The following RALGPS2 variants were observed in gnomAD, a reference collection of about 807,000 sequenced individuals.
RALGPS2 encodes Ral GEF with PH domain and SH3 binding motif 2.
Under a neutral mutation model 86.8 loss-of-function variants are expected in RALGPS2, and 43 were observed. The ratio of observed to expected loss-of-function variants is 0.50; its 90% confidence interval spans 0.39 to 0.64. The LOEUF is 0.64. RALGPS2 is among the 30% of genes least tolerant of loss of function. The pLI is 0.00. For synonymous variants in RALGPS2, 243 were observed against 231.3 expected (o/e 1.05, Z -0.46); for missense variants, 536 against 694.6 (o/e 0.77, Z 2.57).
In RALGPS2 at chr1:178,916,376, G is replaced by T; in HGVS notation, c.*17G>T. ...TTTGAGTAGAAGCCTGAGAAAAAAA[G>T]AGAGGTGAACTGTTGCTTCTACGTG... On this transcript the variant is annotated 3_prime_UTR_variant, in exon 20 of 20. Coordinates refer to ENST00000367635, the MANE Select transcript of RALGPS2 (RefSeq NM_152663.5). The T allele has an allele frequency of 6.3e-7, 1 of 1,595,196 alleles. No homozygotes were observed. Among genetic ancestry groups the T allele is most frequent in the East Asian group, 2.2e-5 (1 of 44,772 alleles).
At chr1:178,787,953 C>T (rs1270821680) in intron 4 of RALGPS2, among the ~76,000 whole-genome samples, 3 of 152,208 alleles carry the variant, frequency 2.0e-5, no homozygotes, top group Non-Finnish European at 4.4e-5. Context: ...TAAAACACTT[C>T]ATTGGCTTCC....
chr1:178,838,013 G>A (rs1362370063), intron 8 of RALGPS2, among the ~76,000 whole-genome samples: 2 of 152,166 alleles, frequency 1.3e-5, no homozygotes, highest in Non-Finnish European at 2.9e-5. Context: ...GCTTGAGTAG[G>A]TAAACAAAGC....
intron 8 of RALGPS2, among the ~76,000 whole-genome samples, chr1:178,872,609 C>T (rs1658820277): frequency 6.6e-6 from 1 of 152,184 alleles, no homozygotes; most frequent in South Asian, 2.1e-4. Context: ...GATGTGCTGC[C>T]AGCTTCTGGC....
At chr1:178,833,379 A>G in intron 7 of RALGPS2, 45 bp from the exon 8 acceptor site, 1 of 1,446,258 alleles carries the variant, frequency 6.9e-7, no homozygotes, top group Non-Finnish European at 9.0e-7. Context: ...TGCTACAATA[A>G]AATGAGATTT....
chr1:178,816,507 C>G (rs780131905), intron 6 of RALGPS2, among the ~76,000 whole-genome samples: 1 of 151,500 alleles, frequency 6.6e-6, no homozygotes, highest in Admixed American at 6.6e-5. Flanking sequence ...AGTATTTTTT[C>G]CTAGTCTATG....
Position 178,915,338 on chromosome 1 carries a change from C to T in RALGPS2, c.1723-992C>T, listed in dbSNP as rs1047109467. Among the ~76,000 whole-genome samples the T allele has an allele frequency of 6.6e-5, 10 of 152,278 alleles. No homozygotes were observed. The South Asian group carries it at 2.1e-3, about 32-fold the overall frequency. On this transcript the variant is annotated intron_variant, in intron 19 of 19. Transcript: ENST00000367635. ...GCAACCTCTGCCTCCCGGGTTCAAG[C>T]CATTCTCCTGCCTCAGCCTCCTGAG...
intron 7 of RALGPS2, among the ~76,000 whole-genome samples, chr1:178,830,523 C>A (rs1046899246): frequency 6.6e-6 from 1 of 152,078 alleles, no homozygotes; most frequent in African/African-American, 2.4e-5. Context: ...AATTGGTCAC[C>A]AGTTTGGGGG....
At chr1:178,825,070 A>G (rs1295989594) in intron 7 of RALGPS2, among the ~76,000 whole-genome samples, 1 of 152,132 alleles carries the variant, frequency 6.6e-6, no homozygotes, top group Admixed American at 6.5e-5. Flanking sequence ...AAAACGTAAT[A>G]GGTTTGATAG....
intron 4 of RALGPS2, among the ~76,000 whole-genome samples, chr1:178,796,111 A>G (rs1654179402): frequency 6.6e-6 from 1 of 152,154 alleles, no homozygotes; most frequent in East Asian, 1.9e-4. Context: ...GATTAGGATT[A>G]AGGAAGGTAG....
At chr1:178,730,302 T>G (rs1439023531) in intron 1 of RALGPS2, among the ~76,000 whole-genome samples, 1 of 152,214 alleles carries the variant, frequency 6.6e-6, no homozygotes, top group Non-Finnish European at 1.5e-5. Context: ...TCTTCTGTGG[T>G]AGATGAGTCT....
chr1:178,895,669 T>G (rs987956380), intron 16 of RALGPS2, among the ~76,000 whole-genome samples: 9 of 151,758 alleles, frequency 5.9e-5, no homozygotes, highest in South Asian at 2.1e-4. Context: ...AAAGCTGGAG[T>G]TGTTTGATGA....
At chr1:178,853,571 T>G in intron 8 of RALGPS2, 1 of 1,541,636 alleles carries the variant, frequency 6.5e-7, no homozygotes, top group Non-Finnish European at 8.7e-7. Context: ...TTTACTTCCC[T>G]TAGGTCTGCA....
chr1:178,910,190 C>T (rs1370497956), intron 19 of RALGPS2, among the ~76,000 whole-genome samples: 3 of 152,128 alleles, frequency 2.0e-5, no homozygotes, highest in African/African-American at 7.2e-5. Context: ...CTAGACATAA[C>T]ATCATATAGT....
At chr1:178,846,047 G>C (rs866484674) in intron 8 of RALGPS2, among the ~76,000 whole-genome samples, 1 of 152,166 alleles carries the variant, frequency 6.6e-6, no homozygotes, top group African/African-American at 2.4e-5. Context: ...GTAGAATATA[G>C]TTATTTAGTT....
intron 1 of RALGPS2, among the ~76,000 whole-genome samples, chr1:178,755,118 A>G (rs1158872173): frequency 1.3e-5 from 2 of 152,080 alleles, no homozygotes; most frequent in Admixed American, 6.6e-5. Flanking sequence ...AGTTTTTAAC[A>G]TTTTGTCACA....
chr1:178,897,526 T>C, intron 16 of RALGPS2, 138 bp from the exon 17 acceptor site: 1 of 650,382 alleles, frequency 1.5e-6, no homozygotes, highest in Non-Finnish European at 2.7e-6. Flanking sequence ...GATTAAGATT[T>C]CAGAAGTGAT....
At chr1:178,827,543 C>T (rs1318548328) in intron 7 of RALGPS2, among the ~76,000 whole-genome samples, 1 of 151,482 alleles carries the variant, frequency 6.6e-6, no homozygotes, top group South Asian at 2.1e-4. Flanking sequence ...TACAGGCGCC[C>T]GCCACTACGC....
intron 1 of RALGPS2, among the ~76,000 whole-genome samples, chr1:178,752,367 T>G: frequency 6.6e-6 from 1 of 151,682 alleles, no homozygotes; most frequent in African/African-American, 2.4e-5. Context: ...TCTCACTTTG[T>G]TGCCTAGGCT....
chr1:178,789,064 G>A (rs1489916266), intron 4 of RALGPS2, among the ~76,000 whole-genome samples: 3 of 151,796 alleles, frequency 2.0e-5, no homozygotes, highest in African/African-American at 2.4e-5. Flanking sequence ...ATGCCACCAC[G>A]CCTCGCTAAT....
Sources: allele counts gnomAD v4.1 joint callset (sites outside exome capture counted in the v4.1 genomes callset), GRCh38; gene constraint gnomAD v4.1.1; transcripts MANE v1.5; gene names NCBI Gene and HGNC (gene_info 2026-07-23, HGNC 2026-07-21).